The following ZDHHC9 variants were observed in gnomAD, a reference collection of about 807,000 sequenced individuals.
ZDHHC9 encodes zDHHC palmitoyltransferase 9, also known as palmitoyltransferase ZDHHC9.
ZDHHC9 carries 3 observed loss-of-function variants against 26.6 expected under a neutral mutation model. The ratio of observed to expected loss-of-function variants is 0.11; its 90% CI spans 0.05 to 0.29. The LOEUF is 0.29. ZDHHC9 is among the 10% of genes least tolerant of loss of function. ZDHHC9 has a pLI of 1.00. For missense variants in ZDHHC9, 146 were observed against 296.4 expected (o/e 0.49, Z 3.73); for synonymous variants, 111 against 109.4 (o/e 1.01, Z -0.09).
Position 129,832,588 on chromosome X carries a change from C to T in ZDHHC9, c.168-3447G>A, listed in dbSNP as rs1195447134. The stretch of plus-strand genomic sequence containing the variant: ...CACAAGGTCAGGAGATCAAGACCAC[C>T]CTGGCTAACACAGTGAAACCCCGTC... On this transcript the variant is annotated intron_variant, in intron 3 of 10. Transcript: ENST00000357166. Among the ~76,000 whole-genome samples the T allele has an allele frequency of 3.6e-5, 4 of 110,489 alleles. No homozygotes were observed. The Admixed American group carries it at 3.9e-4, about 11-fold the overall frequency.
chrX:129,832,964 C>CAAAAA (rs11317653), intron 3 of ZDHHC9, among the ~76,000 whole-genome samples: 1 of 35,055 alleles, frequency 2.9e-5, no homozygotes, highest in Non-Finnish European at 5.6e-5. Context: ...GACTCCACCT[C>CAAAAA]AAAAAAAAAA....
At chrX:129,827,848 G>A (rs773841050) in intron 4 of ZDHHC9, among the ~76,000 whole-genome samples, 3 of 111,208 alleles carry the variant, frequency 2.7e-5, no homozygotes, top group African/African-American at 9.8e-5. Flanking sequence ...ATGGACTCTC[G>A]CTCTGTTGCC....
intron 5 of ZDHHC9, among the ~76,000 whole-genome samples, chrX:129,817,038 C>A (rs1436388543): frequency 9.0e-6 from 1 of 110,750 alleles, no homozygotes; most frequent in Non-Finnish European, 1.9e-5. Context: ...CCACGCCCAG[C>A]TAATTTTTGT....
At chrX:129,813,823 C>A in intron 6 of ZDHHC9, 98 bp from the exon 7 acceptor site, 3 of 783,276 alleles carry the variant, frequency 3.8e-6, no homozygotes, top group Non-Finnish European at 5.7e-6. Flanking sequence ...CTCCCTCTCC[C>A]GTGTTACACA....
At chrX:129,832,514 T>C (rs1049978442) in intron 3 of ZDHHC9, among the ~76,000 whole-genome samples, 34 of 111,485 alleles carry the variant, frequency 3.0e-4, no homozygotes, top group Admixed American at 2.7e-3. Flanking sequence ...CCGGGTGCAG[T>C]GGCTCACGCC....
intron 9 of ZDHHC9, 62 bp from the exon 10 acceptor site, chrX:129,811,063 C>A: frequency 4.0e-6 from 4 of 1,011,904 alleles, no homozygotes; most frequent in South Asian, 1.9e-5. Flanking sequence ...ACCTGGCCTA[C>A]GGAATTTTGC....
At position 129,842,088 on chromosome X, in the gene ZDHHC9, A is replaced by G; in HGVS notation, c.-135-8T>C. ...AAAGTCCAATTGCTAGCCCTAAGAAAAAGCAGAAAAAGAAAAAAAAATGAG... is the reference window on the plus strand; with the variant it reads ...AAAGTCCAATTGCTAGCCCTAAGAAGAAGCAGAAAAAGAAAAAAAAATGAG... On this transcript the variant is annotated splice_region_variant and splice_polypyrimidine_tract_variant and intron_variant, in intron 2 of 10. Transcript: ENST00000357166. 2.9e-6 allele frequency: 2 copies of G among 696,798 alleles called. No individual in the cohort carries two copies. The highest frequency in any genetic ancestry group is 5.1e-5 in the South Asian group (2 of 39,342). The allele number at this position is 696,798 out of a possible 1,213,427, so 57.4% of individuals were successfully genotyped here.
intron 4 of ZDHHC9, among the ~76,000 whole-genome samples, chrX:129,827,166 C>T (rs915835374): frequency 1.0e-4 from 11 of 106,194 alleles, no homozygotes; most frequent in Non-Finnish European, 1.9e-4. Flanking sequence ...TGCACTCCAG[C>T]GTGGGGGACA....
At chrX:129,822,100 T>C (rs1044822521) in intron 5 of ZDHHC9, among the ~76,000 whole-genome samples, 3 of 111,304 alleles carry the variant, frequency 2.7e-5, no homozygotes, top group Non-Finnish European at 5.6e-5. Flanking sequence ...ATCCCATTAC[T>C]GGGTATATAC....
chrX:129,824,247 T>C (rs933335602), intron 4 of ZDHHC9, among the ~76,000 whole-genome samples: 12 of 111,757 alleles, frequency 1.1e-4, no homozygotes, highest in African/African-American at 3.9e-4. Context: ...AAGGTCATTC[T>C]TAGATCTTAT....
intron 3 of ZDHHC9, 42 bp downstream of exon 3, chrX:129,841,736 CA>C (rs757330755): frequency 4.5e-5 from 54 of 1,206,376 alleles, no homozygotes; most frequent in Non-Finnish European, 2.2e-6. Context: ...CCCCTGGACC[CA>C]AAGTAACCAT....
chrX:129,816,867 C>T (rs1185120394), intron 5 of ZDHHC9, among the ~76,000 whole-genome samples: 1 of 111,058 alleles, frequency 9.0e-6, no homozygotes, highest in African/African-American at 3.3e-5. Context: ...ATTTTAAGTT[C>T]AAATTTTTAT....
chrX:129,824,732 A>C (rs185902893), intron 4 of ZDHHC9, among the ~76,000 whole-genome samples: 1 of 112,429 alleles, frequency 8.9e-6, no homozygotes, highest in East Asian at 2.8e-4. Flanking sequence ...AAAAACTAAA[A>C]ATAACTTCAA....
intron 5 of ZDHHC9, among the ~76,000 whole-genome samples, chrX:129,816,971 C>T (rs1414090565): frequency 9.0e-6 from 1 of 110,883 alleles, no homozygotes; most frequent in Non-Finnish European, 1.9e-5. Flanking sequence ...CAACCTCCAC[C>T]TCCCAGGTTC....
rs191738768 is a variant in ZDHHC9 at position 129,812,882 on chromosome X, T to C, written c.675-62A>G. On this transcript the variant is annotated intron_variant, in intron 7 of 10. Coordinates refer to ENST00000357166, the MANE Select transcript of ZDHHC9 (RefSeq NM_016032.4). ...TCAGGAGACTTGATGCCTCCGCCCA[T>C]ATTCAGAGCACCAGTCAGACCATCT... 194 of 784,129 alleles carry C rather than the reference T, an allele frequency of 2.5e-4. No homozygotes were observed. In the East Asian group the frequency reaches 6.0e-3, roughly 24 times the overall value. 64.6% of individuals were successfully genotyped at this position (784,129 alleles called of 1,213,427 possible).
At chrX:129,823,037 C>A (rs1212463091) in intron 5 of ZDHHC9, 1 of 113,592 alleles carries the variant, frequency 8.8e-6, no homozygotes, top group African/African-American at 3.3e-5. Context: ...ATTAGACACA[C>A]ATATACCTGA....
chrX:129,813,766 C>T (rs1421758134), intron 6 of ZDHHC9, 41 bp from the exon 7 acceptor site: 3 of 1,135,047 alleles, frequency 2.6e-6, no homozygotes, highest in African/African-American at 1.8e-5. Flanking sequence ...AAATTAGTGA[C>T]TTCAGTCAAA....
chrX:129,829,970 A>G (rs1928106257), intron 3 of ZDHHC9, among the ~76,000 whole-genome samples: 1 of 111,628 alleles, frequency 9.0e-6, no homozygotes, highest in South Asian at 3.8e-4. Flanking sequence ...CTCTTCATCT[A>G]CATTATCCCA....
In ZDHHC9 at chrX:129,804,205, G is replaced by A. The variant is rs1391513986; in HGVS notation, c.*2165C>T. 1 of 110,685 alleles carries A rather than the reference G, an allele frequency of 9.0e-6. No homozygotes were observed. Among genetic ancestry groups the A allele is most frequent in the African/African-American group, 3.3e-5 (1 of 30,327 alleles). The allele number at this position is 110,685 out of a possible 1,213,427, so 9.1% of individuals were successfully genotyped here. ...ATGGGCTGAGTACTTATTAAAATGG[G>A]GTTCATATGAGTGCCAAGTTACCTG... On this transcript the variant is annotated 3_prime_UTR_variant, in exon 11 of 11. Coordinates refer to ENST00000357166, the MANE Select transcript of ZDHHC9 (RefSeq NM_016032.4).
Sources: gnomAD v4.1 joint callset for allele counts (sites outside exome capture counted in the v4.1 genomes callset) on GRCh38, gnomAD v4.1.1 for gene constraint, MANE v1.5 for transcripts, NCBI Gene and HGNC (gene_info 2026-07-23, HGNC 2026-07-21) for gene names.